The following MROH2B variants were observed in gnomAD, a reference collection of about 807,000 sequenced individuals.
MROH2B encodes the protein maestro heat like repeat family member 2B, also known as maestro heat-like repeat-containing protein family member 2B.
MROH2B carries 177 observed loss-of-function variants against 208.6 expected under a neutral mutation model. That is an observed-to-expected ratio of 0.85 (90% CI 0.75 to 0.96). The LOEUF (loss-of-function observed/expected upper bound fraction) is 0.96. Ranked by LOEUF, MROH2B falls within the 40% of genes least tolerant of loss-of-function variation. The pLI is 0.00. For missense variants in MROH2B, 2,002 were observed against 1,878.7 expected, an observed-to-expected ratio of 1.07 and a Z score of -1.21; for synonymous variants, 728 against 659.0, an observed-to-expected ratio of 1.10 and a Z score of -1.60.
rs142874974 is a variant in MROH2B at position 41,020,146 on chromosome 5, A to G, written c.2442-1128T>C. Reference sequence around the variant, plus strand: ...CATGGGATTTTGAAGATTTAGTATGAAGAATAATATAAATTATCCAATTTT... The same window carrying G: ...CATGGGATTTTGAAGATTTAGTATGGAGAATAATATAAATTATCCAATTTT... On this transcript the variant is annotated intron_variant, in intron 24 of 41. Coordinates refer to ENST00000399564, the MANE Select transcript of MROH2B (RefSeq NM_173489.5). Among the ~76,000 whole-genome samples, 171 of 152,260 alleles carry G rather than the reference A, an allele frequency of 1.1e-3. 2 individuals carry two copies. In the East Asian group the frequency reaches 0.031, roughly 27 times the overall value.
At chr5:41,046,281 A>C (rs955979839) in intron 17 of MROH2B, among the ~76,000 whole-genome samples, 2 of 151,888 alleles carry the variant, frequency 1.3e-5, no homozygotes, top group African/African-American at 4.8e-5. Context: ...TCAAGAATTA[A>C]ATGTCTTAAA....
At chr5:41,057,634 G>GT (rs1484487267) in intron 7 of MROH2B, among the ~76,000 whole-genome samples, 1 of 138,960 alleles carries the variant, frequency 7.2e-6, no homozygotes, top group East Asian at 2.2e-4. Context: ...TCGGTTCACT[G>GT]TAACCTCCGC....
intron 24 of MROH2B, among the ~76,000 whole-genome samples, chr5:41,023,455 A>C (rs1742233357): frequency 6.6e-6 from 1 of 152,236 alleles, no homozygotes; most frequent in Non-Finnish European, 1.5e-5. Context: ...ATTGAAGATC[A>C]AATTAATGAA....
Position 41,012,693 on chromosome 5 carries a change from G to T in MROH2B, c.3025C>A (p.Leu1009Ile). 1 of 1,613,786 alleles carries T rather than the reference G, an allele frequency of 6.2e-7. No individual in the cohort carries two copies. Among genetic ancestry groups the T allele is most frequent in the Non-Finnish European group, 8.5e-7 (1 of 1,179,762 alleles). ...FIPNEEILMFLEEMLDGLESL... is the reference protein window; with the variant it reads ...FIPNEEILMFIEEMLDGLESL... ...TCCAGACCGTCCAGCATTTCCTCTA[G>T]GAACATCAGAATTTCTTCATTTGGG... is the stretch of plus-strand genomic sequence containing the variant. Residue 1009 changes from leucine to isoleucine, a missense_variant, in exon 30 of 42, where the codon CTA (leucine) becomes ATA (isoleucine). Leu to Ile is a conservative substitution (Grantham distance 5). Transcript: ENST00000399564.
intron 6 of MROH2B, among the ~76,000 whole-genome samples, chr5:41,058,619 G>T (rs949953543): frequency 6.6e-6 from 1 of 151,832 alleles, no homozygotes; most frequent in Non-Finnish European, 1.5e-5. Context: ...CAGCATGCCT[G>T]GCTAATTTTT....
At chr5:41,049,650 A>G (rs1241274086) in intron 13 of MROH2B, among the ~76,000 whole-genome samples, 2 of 152,190 alleles carry the variant, frequency 1.3e-5, no homozygotes, top group African/African-American at 4.8e-5. Flanking sequence ...GTATTTCTCC[A>G]TGGGGACGTT....
In MROH2B at chr5:41,032,828, C is replaced by T. The variant is rs1231436501; in HGVS notation, c.2362-7G>A. 1 of 1,609,122 alleles carries T rather than the reference C, an allele frequency of 6.2e-7. No individual in the cohort carries two copies. Among genetic ancestry groups the T allele is most frequent in the Non-Finnish European group, 8.5e-7 (1 of 1,177,634 alleles). On this transcript the variant is annotated splice_polypyrimidine_tract_variant and splice_region_variant and intron_variant, in intron 23 of 41. Coordinates refer to ENST00000399564, the MANE Select transcript of MROH2B (RefSeq NM_173489.5). ...GCTCGTCTCTAATGAAGTCCTGAAA[C>T]ATAAATAAGGAGATTAAATGTTTCA...
intron 16 of MROH2B, 116 bp from the exon 17 acceptor site, chr5:41,047,880 C>T: frequency 2.3e-6 from 2 of 859,096 alleles, no homozygotes; most frequent in Non-Finnish European, 3.7e-6. Context: ...TCTTTTTGCT[C>T]ATAATGCTTA....
At chr5:41,032,037 C>T (rs543219871) in intron 24 of MROH2B, among the ~76,000 whole-genome samples, 275 of 152,184 alleles carry the variant, frequency 1.8e-3, no homozygotes, top group Non-Finnish European at 3.2e-3. Context: ...AGTGAACATA[C>T]GCATGCATAT....
chr5:41,005,054 G>T, intron 35 of MROH2B, 134 bp from the exon 36 acceptor site: 1 of 1,223,328 alleles, frequency 8.2e-7, no homozygotes, highest in Non-Finnish European at 1.1e-6. Flanking sequence ...GCCCTCTGGT[G>T]AACCAGCAAG....
rs774367985 is a variant in MROH2B, at chr5:41,048,465, C to A, written c.1543G>T (p.Val515Leu). Residue 515 changes from valine to leucine, a missense_variant and splice_region_variant, in exon 16 of 42, where the codon GTA becomes TTA. Physicochemically the swap from Val to Leu is conservative, Grantham distance 32 (BLOSUM62 1). Transcript: ENST00000399564. ...SPQQLLARLL[V>L]ISMPASLGEL... ...CCTAAACTGGCAGGCATAGATATTA[C>A]CTGAAGGATAGAAGAGAAGGAGCTC... 6.2e-7 allele frequency: 1 copy of A among 1,605,506 alleles called. No homozygotes were observed. The highest frequency in any genetic ancestry group is 2.2e-5 in the East Asian group (1 of 44,746).
Position 41,045,819 on chromosome 5 carries a change from A to G in MROH2B, c.1763T>C (p.Val588Ala), listed in dbSNP as rs375906292. 6 of 1,612,364 alleles carry G rather than the reference A, an allele frequency of 3.7e-6. No individual in the cohort carries two copies. In the African/African-American group the frequency reaches 8.0e-5, roughly 22 times the overall value. ...LKESLWKISD[V>A]AWTIQLTQDF... ...CTGAGTCAGCTGAATGGTCCAGGCCACATCACTGATCTTCCATAAGGATTC... is the reference window on the plus strand; with the variant it reads ...CTGAGTCAGCTGAATGGTCCAGGCCGCATCACTGATCTTCCATAAGGATTC... Residue 588 changes from valine (V) to alanine (A), a missense_variant, in exon 18 of 42, where the codon GTG becomes GCG. Physicochemically the swap from Val to Ala is moderately conservative, Grantham distance 64. Transcript: ENST00000399564.
rs1743974597 is a variant in MROH2B, at chr5:41,070,999, C to T, written c.-147G>A. Reference sequence around the variant, plus strand: ...GAAAGTGCCTCCTCCACTTGATTGGCACAATGGTCTGGGAGCTTCCAGAGA... The same window carrying T: ...GAAAGTGCCTCCTCCACTTGATTGGTACAATGGTCTGGGAGCTTCCAGAGA... On this transcript the variant is annotated 5_prime_UTR_variant, in exon 1 of 42. Coordinates refer to ENST00000399564, the MANE Select transcript of MROH2B (RefSeq NM_173489.5). 7 of 719,838 alleles carry T rather than the reference C, an allele frequency of 9.7e-6. No homozygotes were observed. In the South Asian group the frequency reaches 1.2e-4, roughly 13 times the overall value. 44.6% of individuals were successfully genotyped at this position (719,838 alleles called of 1,614,324 possible). A position where few individuals can be genotyped will look rare whatever the true frequency, so the allele number is the denominator to read the frequency against.
At chr5:41,032,226 C>A (rs1355393627) in intron 24 of MROH2B, among the ~76,000 whole-genome samples, 1 of 152,122 alleles carries the variant, frequency 6.6e-6, no homozygotes, top group Non-Finnish European at 1.5e-5. Context: ...TCTCCACAAC[C>A]TTAGCAGCAT....
rs564532465 is a variant in MROH2B, at chr5:41,038,843, C to G, written c.2107G>C (p.Val703Leu). 6.2e-7 allele frequency: 1 copy of G among 1,613,380 alleles called. No homozygotes were observed. Among genetic ancestry groups the G allele is most frequent in the Admixed American group, 1.7e-5 (1 of 59,984 alleles). Residue 703 changes from valine (V) to leucine (L), a missense_variant, in exon 21 of 42, where the codon GTC becomes CTC. Transcript: ENST00000399564. ...KKSLTKTDVM[V>L]IYGAVALHAP... Reference sequence around the variant, plus strand: ...TGGAGGGCCACTGCTCCATAGATGACCATGACATCTGTCTTGGTCAGGCTC... The same window carrying G: ...TGGAGGGCCACTGCTCCATAGATGAGCATGACATCTGTCTTGGTCAGGCTC...
chr5:41,022,197 T>C (rs185288583), intron 24 of MROH2B, among the ~76,000 whole-genome samples: 125 of 152,084 alleles, frequency 8.2e-4, no homozygotes, highest in African/African-American at 2.9e-3. Flanking sequence ...TGTTGGATGG[T>C]GGGGGCAGGA....
chr5:41,019,101 A>T, intron 24 of MROH2B, 83 bp from the exon 25 acceptor site: 1 of 1,543,028 alleles, frequency 6.5e-7, no homozygotes. Context: ...ACTGCCAATC[A>T]CATCTGACCA....
At chr5:41,061,007 A>G (rs1743620617) in intron 6 of MROH2B, among the ~76,000 whole-genome samples, 2 of 152,250 alleles carry the variant, frequency 1.3e-5, no homozygotes, top group African/African-American at 4.8e-5. Flanking sequence ...AGATAAAGGG[A>G]ATATACTTTT....
chr5:41,000,168 G>T (rs1483332179), intron 39 of MROH2B, 52 bp downstream of exon 39: 3 of 1,607,714 alleles, frequency 1.9e-6, no homozygotes, highest in African/African-American at 2.7e-5. Flanking sequence ...TCTGCGATTT[G>T]TCTAGACCCT....
Sources: gnomAD v4.1 joint callset for allele counts (sites outside exome capture counted in the v4.1 genomes callset) on GRCh38, gnomAD v4.1.1 for gene constraint, MANE v1.5 for transcripts, NCBI Gene and HGNC (gene_info 2026-07-23, HGNC 2026-07-21) for gene names.